The following SHROOM4 variants were observed in gnomAD, a reference collection of about 807,000 sequenced individuals.
The protein encoded by SHROOM4 is shroom family member 4, also known as protein Shroom4.
Under a neutral mutation model 80.3 loss-of-function variants are expected in SHROOM4, and 17 were observed. The ratio of observed to expected loss-of-function variants is 0.21; its 90% confidence interval spans 0.14 to 0.32. The LOEUF is 0.32. Among genes scored for constraint, SHROOM4 ranks in the 10% least tolerant of loss-of-function variants. The probability of loss-of-function intolerance (pLI) is 1.00; values close to 1 mark genes in which losing one functional copy is unlikely to be tolerated. For missense variants in SHROOM4, 993 were observed against 1,140.3 expected (o/e 0.87, Z 1.86); for synonymous variants, 400 against 437.5 (o/e 0.91, Z 1.07).
intron 1 of SHROOM4, among the ~76,000 whole-genome samples, chrX:50,737,860 A>G (rs1218279122): frequency 1.8e-5 from 2 of 111,294 alleles, no homozygotes; most frequent in Non-Finnish European, 3.8e-5. Context: ...CCAAAGCCTT[A>G]CTGAAACACA....
intron 2 of SHROOM4, among the ~76,000 whole-genome samples, chrX:50,690,542 T>C (rs1443810328): frequency 8.9e-6 from 1 of 112,779 alleles, no homozygotes; most frequent in Non-Finnish European, 1.9e-5. Context: ...TTATTGTTTG[T>C]TAGTCTGCTA....
chrX:50,814,089 C>CCT lies in SHROOM4; in HGVS notation c.-72_-71insAG. On this transcript the variant is annotated 5_prime_UTR_variant, in exon 1 of 9. The change abolishes the stop of an existing upstream ORF in the 5' untranslated region. Coordinates refer to ENST00000376020, the MANE Select transcript of SHROOM4 (RefSeq NM_020717.5). Reference sequence around the variant, plus strand: ...TACGTTGCCTCCGCCCCCAGCAGCTCCGCCACCATCGCCCTCCAGCTCTAC... The same window carrying CCT: ...TACGTTGCCTCCGCCCCCAGCAGCTCCTCGCCACCATCGCCCTCCAGCTCTAC... 3 of 715,965 alleles carry CCT rather than the reference C, an allele frequency of 4.2e-6. No individual in the cohort carries two copies. The highest frequency in any genetic ancestry group is 6.6e-6 in the Non-Finnish European group (3 of 456,277). The allele number at this position is 715,965 out of a possible 1,213,427, so 59.0% of individuals were successfully genotyped here.
chrX:50,702,874 T>C (rs1328106562), intron 1 of SHROOM4, among the ~76,000 whole-genome samples: 3 of 111,863 alleles, frequency 2.7e-5, no homozygotes, highest in African/African-American at 9.7e-5. Context: ...CCAATGCTGT[T>C]CTTGTGATAG....
In SHROOM4 at chrX:50,720,080, T is replaced by C. The variant is rs1289221731; in HGVS notation, c.118-24143A>G. Among the ~76,000 whole-genome samples, 3 of 111,443 alleles carry C rather than the reference T, an allele frequency of 2.7e-5. No individual in the cohort carries two copies. In the Admixed American group the frequency reaches 2.9e-4, roughly 11 times the overall value. On this transcript the variant is annotated intron_variant, in intron 1 of 8. Transcript: ENST00000376020. ...GGCAATTTTGTTTCTGAAATCTCAA[T>C]TGCAGAAAAAAGACTAGGGGGAGCA... is the stretch of plus-strand genomic sequence containing the variant.
At position 50,587,771 on chromosome X, in the gene SHROOM4, C is replaced by T. The variant is rs1400665842; in HGVS notation, c.*8924G>A. On this transcript the variant is annotated 3_prime_UTR_variant, in exon 9 of 9. Coordinates refer to ENST00000376020, the MANE Select transcript of SHROOM4 (RefSeq NM_020717.5). ...TTGAATGAATGAATGGCATTGCACA[C>T]TTACAATCTATTTTGTTTAACTTAC... is the stretch of plus-strand genomic sequence containing the variant. Among the ~76,000 whole-genome samples the T allele has an allele frequency of 2.7e-5, 3 of 112,269 alleles. No homozygotes were observed. The highest frequency in any genetic ancestry group is 9.7e-5 in the African/African-American group (3 of 30,926).
At chrX:50,648,572 A>G (rs887986034) in intron 2 of SHROOM4, among the ~76,000 whole-genome samples, 8 of 112,331 alleles carry the variant, frequency 7.1e-5, no homozygotes, top group African/African-American at 2.6e-4. Context: ...AAGTATCAGA[A>G]AGGAAATGCT....
intron 1 of SHROOM4, among the ~76,000 whole-genome samples, chrX:50,777,968 G>T (rs1385092026): frequency 9.0e-6 from 1 of 111,461 alleles, no homozygotes; most frequent in Non-Finnish European, 1.9e-5. Flanking sequence ...TGATTTTTTT[G>T]GTGTTCTGTA....
At chrX:50,795,132 A>ATATATGATATATATATCATATAT (rs1935967454) in intron 1 of SHROOM4, among the ~76,000 whole-genome samples, 2 of 3,047 alleles carry the variant, frequency 6.6e-4, no homozygotes, top group African/African-American at 1.0e-3. Context: ...TATATGATAT[A>ATATATGATATATATATCATATAT]TATATATATA....
chrX:50,795,004 T>C (rs1935932333), intron 1 of SHROOM4, among the ~76,000 whole-genome samples: 1 of 87,021 alleles, frequency 1.1e-5, no homozygotes, highest in African/African-American at 4.2e-5. Context: ...GATAACAACA[T>C]CTTTATATAT....
intron 5 of SHROOM4, among the ~76,000 whole-genome samples, chrX:50,619,707 AG>A (rs1557251666): frequency 8.9e-6 from 1 of 112,085 alleles, no homozygotes; most frequent in African/African-American, 3.2e-5. Flanking sequence ...TTTGTTGTCA[AG>A]TAATACATAC....
intron 2 of SHROOM4, among the ~76,000 whole-genome samples, chrX:50,657,810 A>G (rs1271518119): frequency 9.0e-6 from 1 of 111,727 alleles, no homozygotes; most frequent in Non-Finnish European, 1.9e-5. Context: ...TTAAAAATCA[A>G]CTTTTACAAA....
intron 1 of SHROOM4, among the ~76,000 whole-genome samples, chrX:50,789,948 C>T (rs1378953164): frequency 8.9e-6 from 1 of 112,185 alleles, no homozygotes; most frequent in Non-Finnish European, 1.9e-5. Context: ...GCCTATTACA[C>T]CTAGGCTATA....
At chrX:50,640,137 TCAAGCA>T (rs1931533345) in intron 2 of SHROOM4, among the ~76,000 whole-genome samples, 2 of 112,007 alleles carry the variant, frequency 1.8e-5, no homozygotes, top group South Asian at 7.6e-4. Flanking sequence ...CAACTATTTG[TCAAGCA>T]TCTACCAGTA....
intron 1 of SHROOM4, among the ~76,000 whole-genome samples, chrX:50,743,945 C>T (rs1005629133): frequency 1.8e-5 from 2 of 111,301 alleles, no homozygotes; most frequent in Admixed American, 1.9e-4. Context: ...TCTCCTGTTA[C>T]CCACTTTTTC....
intron 1 of SHROOM4, among the ~76,000 whole-genome samples, chrX:50,774,721 C>A (rs1395044919): frequency 9.4e-6 from 1 of 106,359 alleles, no homozygotes; most frequent in African/African-American, 3.4e-5. Context: ...AAAAAGGAAA[C>A]CTTTTGTTTA....
chrX:50,640,565 C>T (rs1256166629), intron 2 of SHROOM4, among the ~76,000 whole-genome samples: 2 of 111,503 alleles, frequency 1.8e-5, no homozygotes, highest in African/African-American at 6.5e-5. Flanking sequence ...CCTCCAGTCA[C>T]TGCTTTTAGG....
At chrX:50,801,261 GGAGAGAGAGA>G (rs781878531) in intron 1 of SHROOM4, among the ~76,000 whole-genome samples, 3 of 81,530 alleles carry the variant, frequency 3.7e-5, no homozygotes. Context: ...GAGAGAAAGA[GGAGAGAGAGA>G]GAGAGAGAGA....
chrX:50,793,591 C>G (rs1226537783), intron 1 of SHROOM4, among the ~76,000 whole-genome samples: 8 of 103,430 alleles, frequency 7.7e-5, no homozygotes, highest in African/African-American at 2.8e-4. Flanking sequence ...GTAGGCACAA[C>G]CCATTTTGGA....
intron 5 of SHROOM4, among the ~76,000 whole-genome samples, chrX:50,621,321 G>A (rs1389468523): frequency 9.0e-6 from 1 of 111,175 alleles, no homozygotes; most frequent in Non-Finnish European, 1.9e-5. Context: ...ACTATCATAT[G>A]GTTTTGATAA....
Sources: gnomAD v4.1 joint callset for allele counts (sites outside exome capture counted in the v4.1 genomes callset) on GRCh38, gnomAD v4.1.1 for gene constraint, MANE v1.5 for transcripts, NCBI Gene and HGNC (gene_info 2026-07-23, HGNC 2026-07-21) for gene names.